CCDC91: variants seen among roughly 807,000 people sequenced by gnomAD.
CCDC91 encodes the protein coiled-coil domain containing 91, also known as coiled-coil domain-containing protein 91.
CCDC91 carries 48 observed loss-of-function variants against 63.2 expected under a neutral mutation model. The observed-to-expected ratio is 0.76, with a 90% CI of 0.60 to 0.97. The LOEUF (loss-of-function observed/expected upper bound fraction) is 0.97. Ranked by LOEUF, CCDC91 falls within the 50% of genes least tolerant of loss-of-function variation. CCDC91 has a pLI of 0.00. For missense variants in CCDC91, 500 were observed against 494.6 expected, an observed-to-expected ratio of 1.01 and a Z score of -0.10; for synonymous variants, 167 against 165.8, an observed-to-expected ratio of 1.01 and a Z score of -0.06.
chr12:28,217,140 A>G (rs1460214083), intron 1 of CCDC91, among the ~76,000 whole-genome samples: 2 of 152,154 alleles, frequency 1.3e-5, no homozygotes, highest in African/African-American at 2.4e-5. Context: ...ACATGCTACT[A>G]GGAAATATGC....
At chr12:28,201,795 G>A (rs1469584514) in intron 1 of CCDC91, among the ~76,000 whole-genome samples, 1 of 144,814 alleles carries the variant, frequency 6.9e-6, no homozygotes, top group African/African-American at 2.5e-5. Flanking sequence ...GGAGGCCGAG[G>A]CTGGCGGATC....
intron 7 of CCDC91, among the ~76,000 whole-genome samples, chr12:28,388,031 A>G (rs948198356): frequency 2.6e-5 from 4 of 152,108 alleles, no homozygotes; most frequent in Admixed American, 2.0e-4. Flanking sequence ...TCTTTTCACC[A>G]TATCCCTTCC....
intron 11 of CCDC91, among the ~76,000 whole-genome samples, chr12:28,457,309 G>A (rs1437322825): frequency 1.3e-5 from 2 of 151,726 alleles, no homozygotes; most frequent in African/African-American, 4.8e-5. Context: ...TTAACTGAAG[G>A]GACTGACTTT....
intron 12 of CCDC91, among the ~76,000 whole-genome samples, chr12:28,537,594 G>A (rs1167245816): frequency 6.6e-6 from 1 of 152,160 alleles, no homozygotes; most frequent in Non-Finnish European, 1.5e-5. Flanking sequence ...AACAGCATAA[G>A]CAAGGTCAGA....
intron 6 of CCDC91, among the ~76,000 whole-genome samples, chr12:28,312,775 T>C (rs1412863540): frequency 7.2e-5 from 11 of 152,018 alleles, no homozygotes; most frequent in South Asian, 4.1e-4. Context: ...ATTCTTGTGA[T>C]AGTAAATGTC....
At chr12:28,525,242 G>A (rs1431551452) in intron 12 of CCDC91, among the ~76,000 whole-genome samples, 1 of 151,996 alleles carries the variant, frequency 6.6e-6, no homozygotes, top group East Asian at 1.9e-4. Flanking sequence ...GTTTAGGGCT[G>A]TAAACTTTCC....
intron 1 of CCDC91, among the ~76,000 whole-genome samples, chr12:28,243,324 G>A (rs1435726300): frequency 6.6e-6 from 1 of 152,134 alleles, no homozygotes; most frequent in Non-Finnish European, 1.5e-5. Context: ...TAGAGGAACT[G>A]GGTGGAGGCA....
chr12:28,265,890 G>A (rs1368145415), intron 3 of CCDC91, among the ~76,000 whole-genome samples: 3 of 151,974 alleles, frequency 2.0e-5, no homozygotes, highest in Non-Finnish European at 4.4e-5. Context: ...GTCTGTCTTT[G>A]TATTTACATT....
At chr12:28,419,155 C>G (rs1947855975) in intron 8 of CCDC91, among the ~76,000 whole-genome samples, 1 of 152,102 alleles carries the variant, frequency 6.6e-6, no homozygotes, top group South Asian at 2.1e-4. Flanking sequence ...CAGTAAAAGC[C>G]TGCAACCCAG....
chr12:28,363,792 G>A (rs1436881605), intron 7 of CCDC91, among the ~76,000 whole-genome samples: 10 of 149,998 alleles, frequency 6.7e-5, no homozygotes, highest in African/African-American at 2.2e-4. Flanking sequence ...CAGGAGAATG[G>A]CATGAACCCG....
chr12:28,304,281 G>T (rs1938406711), intron 3 of CCDC91, among the ~76,000 whole-genome samples: 1 of 148,804 alleles, frequency 6.7e-6, no homozygotes, highest in Non-Finnish European at 1.5e-5. Context: ...GGAGGCTGAG[G>T]CAGGAGAATT....
chr12:28,347,826 G>T (rs1207792406), intron 6 of CCDC91, among the ~76,000 whole-genome samples: 2 of 152,166 alleles, frequency 1.3e-5, no homozygotes, highest in African/African-American at 4.8e-5. Context: ...TTATATCAGT[G>T]TATTTCTCCC....
At chr12:28,521,548 ACTGAATAC>A (rs1940671001) in intron 12 of CCDC91, among the ~76,000 whole-genome samples, 1 of 152,086 alleles carries the variant, frequency 6.6e-6, no homozygotes, top group African/African-American at 2.4e-5. Context: ...TGTTTTCCTA[ACTGAATAC>A]CCTTTATTTC....
At chr12:28,394,367 A>G (rs541234666) in intron 8 of CCDC91, among the ~76,000 whole-genome samples, 22 of 151,970 alleles carry the variant, frequency 1.4e-4, no homozygotes, top group Non-Finnish European at 2.2e-4. Context: ...TCCGGAGGCT[A>G]AGGCAGGAGA....
intron 11 of CCDC91, 74 bp downstream of exon 11, chr12:28,452,728 C>T: frequency 3.0e-6 from 2 of 674,094 alleles, no homozygotes; most frequent in Non-Finnish European, 4.6e-6. Context: ...CTTACTCTAT[C>T]TTTTATCTTA....
intron 6 of CCDC91, among the ~76,000 whole-genome samples, chr12:28,354,725 G>A (rs1943412017): frequency 6.6e-6 from 1 of 152,080 alleles, no homozygotes; most frequent in African/African-American, 2.4e-5. Flanking sequence ...TGCTTCTGGG[G>A]TTAAAATTTA....
chr12:28,418,596 A>G (rs1297870480), intron 8 of CCDC91, among the ~76,000 whole-genome samples: 6 of 152,160 alleles, frequency 3.9e-5, no homozygotes, highest in Non-Finnish European at 1.5e-5. Context: ...GAAAAAGCTG[A>G]ATAGTAGCTA....
chr12:28,502,841 C>CCT (rs1938125672), intron 12 of CCDC91, among the ~76,000 whole-genome samples: 3 of 144,634 alleles, frequency 2.1e-5, no homozygotes, highest in African/African-American at 7.6e-5. Flanking sequence ...GAAAGGATTC[C>CCT]ATATTTAATA....
chr12:28,275,720 CA>C (rs1458843954), intron 3 of CCDC91, among the ~76,000 whole-genome samples: 1 of 152,096 alleles, frequency 6.6e-6, no homozygotes, highest in Non-Finnish European at 1.5e-5. Context: ...CAAAAATCCT[CA>C]AGAAAATACT....
Sources: gnomAD v4.1 joint callset for allele counts (sites outside exome capture counted in the v4.1 genomes callset) on GRCh38, gnomAD v4.1.1 for gene constraint, MANE v1.5 for transcripts, NCBI Gene and HGNC (gene_info 2026-07-23, HGNC 2026-07-21) for gene names.